Variants in PTPDC1 observed in about 807,000 individuals in gnomAD.
PTPDC1 encodes the protein protein tyrosine phosphatase domain-containing protein 1.
Under a neutral mutation model 75.3 loss-of-function variants are expected in PTPDC1, and 53 were observed. The observed-to-expected ratio is 0.70, with a 90% CI of 0.56 to 0.88. The LOEUF is 0.88. Ranked by LOEUF, PTPDC1 falls within the 40% of genes least tolerant of loss-of-function variation. The pLI is 0.00. For synonymous variants in PTPDC1, 349 were observed against 366.2 expected, an observed-to-expected ratio of 0.95 and a Z score of 0.54; for missense variants, 925 against 998.6, an observed-to-expected ratio of 0.93 and a Z score of 0.99.
intron 2 of PTPDC1, among the ~76,000 whole-genome samples, chr9:94,085,807 A>C (rs941397409): frequency 6.6e-6 from 1 of 152,340 alleles, no homozygotes; most frequent in African/African-American, 2.4e-5. Flanking sequence ...GGTAAGCTTT[A>C]GCTTTTATGT....
At chr9:94,044,826 G>A (rs192073568) in intron 1 of PTPDC1, among the ~76,000 whole-genome samples, 119 of 151,934 alleles carry the variant, frequency 7.8e-4, no homozygotes, top group African/African-American at 2.8e-3. Context: ...ATTTAAGGGG[G>A]AAACATCAAG....
At chr9:94,051,872 G>A (rs117223159) in intron 1 of PTPDC1, among the ~76,000 whole-genome samples, 2,988 of 152,070 alleles carry the variant, frequency 0.02, 50 homozygotes, top group Non-Finnish European at 0.028. Context: ...TTCTTGGTTA[G>A]TGGTCTGTCA....
chr9:94,099,615 G>A (rs1827763434), intron 6 of PTPDC1, among the ~76,000 whole-genome samples: 2 of 152,226 alleles, frequency 1.3e-5, no homozygotes, highest in South Asian at 2.1e-4. Flanking sequence ...CTATCCAATA[G>A]TTAAATGTAT....
intron 1 of PTPDC1, among the ~76,000 whole-genome samples, chr9:94,048,925 C>T (rs753344663): frequency 6.6e-6 from 1 of 152,178 alleles, no homozygotes; most frequent in African/African-American, 2.4e-5. Flanking sequence ...GTAGTTAGCT[C>T]TTCTTGTTGA....
intron 1 of PTPDC1, among the ~76,000 whole-genome samples, chr9:94,041,788 C>T (rs953844059): frequency 6.6e-6 from 1 of 152,106 alleles, no homozygotes; most frequent in African/African-American, 2.4e-5. Context: ...ATATTCCCTG[C>T]TCTAGCCCTA....
chr9:94,096,068 A>G (rs956255244), intron 5 of PTPDC1, among the ~76,000 whole-genome samples: 3 of 152,236 alleles, frequency 2.0e-5, no homozygotes, highest in Non-Finnish European at 4.4e-5. Flanking sequence ...CCAGAATTCT[A>G]TTAAAAAGTC....
intron 2 of PTPDC1, among the ~76,000 whole-genome samples, chr9:94,076,524 C>A (rs535726525): frequency 6.6e-6 from 1 of 152,240 alleles, no homozygotes; most frequent in Admixed American, 6.5e-5. Flanking sequence ...AGTGCTGCTT[C>A]CTTTTTATGG....
chr9:94,045,426 T>G (rs1825565777), intron 1 of PTPDC1, among the ~76,000 whole-genome samples: 1 of 152,172 alleles, frequency 6.6e-6, no homozygotes, highest in African/African-American at 2.4e-5. Flanking sequence ...CACACTGACT[T>G]CCACAATGGT....
chr9:94,041,203 A>G (rs1274094234), intron 1 of PTPDC1, among the ~76,000 whole-genome samples: 1 of 152,176 alleles, frequency 6.6e-6, no homozygotes, highest in Admixed American at 6.5e-5. Flanking sequence ...CTCTTTGAAA[A>G]CAGAGATACT....
chr9:94,088,392 A>C, intron 4 of PTPDC1, 129 bp downstream of exon 4: 1 of 1,090,768 alleles, frequency 9.2e-7, no homozygotes, highest in Non-Finnish European at 1.3e-6. Flanking sequence ...GTTTAGAAAA[A>C]ATGAGCTACC....
Position 94,094,818 on chromosome 9 carries a change from C to T in PTPDC1, c.617-499C>T, listed in dbSNP as rs142332465. On this transcript the variant is annotated intron_variant, in intron 4 of 8. Transcript: ENST00000620992. ...AAGCCCGTCCGAAAAGCGCAGTGTT[C>T]GGGTGGGAGTGACCCGACTTTCCAG... Among the ~76,000 whole-genome samples the T allele has an allele frequency of 8.5e-3, 1,302 of 152,350 alleles. 42 individuals carry two copies. Among genetic ancestry groups the T allele is most frequent in the Admixed American group, 0.054 (823 of 15,298 alleles).
intron 1 of PTPDC1, among the ~76,000 whole-genome samples, chr9:94,034,211 G>C (rs906795693): frequency 1.3e-5 from 2 of 152,074 alleles, no homozygotes; most frequent in African/African-American, 4.8e-5. Context: ...CTTAATTAAG[G>C]TTTTGAAATT....
chr9:94,098,277 C>A lies in PTPDC1; in HGVS notation c.1711C>A (p.Pro571Thr), dbSNP rs1194343526. The stretch of plus-strand genomic sequence containing the variant: ...TGCAAATGTCCATAAGGATCCAAAC[C>A]CTGCTCACCAGCAAGTGTCTCACTG... ...SFANVHKDPN[P>T]AHQQVSHCQC... The change falls in exon 6 of 9, where the codon CCT becomes ACT. Residue 571 changes from proline to threonine, a missense_variant. Transcript: ENST00000620992. 6.2e-7 allele frequency: 1 copy of A among 1,614,188 alleles called. No individual in the cohort carries two copies. Among genetic ancestry groups the A allele is most frequent in the African/African-American group, 1.3e-5 (1 of 75,038 alleles).
chr9:94,077,468 A>G (rs1201695884), intron 2 of PTPDC1, among the ~76,000 whole-genome samples: 2 of 152,046 alleles, frequency 1.3e-5, no homozygotes, highest in African/African-American at 4.8e-5. Context: ...GGGTTCCCAC[A>G]CCCCTCTCTT....
At chr9:94,103,457 C>T (rs1438927040) in intron 7 of PTPDC1, among the ~76,000 whole-genome samples, 7 of 152,216 alleles carry the variant, frequency 4.6e-5, no homozygotes, top group African/African-American at 1.7e-4. Context: ...AGCCCATGTG[C>T]TTTCTATTAC....
At chr9:94,066,962 C>G (rs2117882058) in intron 2 of PTPDC1, among the ~76,000 whole-genome samples, 2 of 152,236 alleles carry the variant, frequency 1.3e-5, no homozygotes, top group Admixed American at 1.3e-4. Flanking sequence ...GTATCATCCC[C>G]CATATATGCA....
At chr9:94,105,552 C>T (rs923263011) in intron 8 of PTPDC1, among the ~76,000 whole-genome samples, 1 of 151,238 alleles carries the variant, frequency 6.6e-6, no homozygotes, top group African/African-American at 2.4e-5. Context: ...CCTGCAGTCC[C>T]AGCTACTCAG....
chr9:94,103,468 A>G (rs1173082331), intron 7 of PTPDC1, among the ~76,000 whole-genome samples: 11 of 152,218 alleles, frequency 7.2e-5, no homozygotes, highest in Admixed American at 7.2e-4. Flanking sequence ...TTTCTATTAC[A>G]TAAGGCTGCC....
chr9:94,106,133 ACTT>A (rs755905741), intron 8 of PTPDC1, among the ~76,000 whole-genome samples: 4 of 152,224 alleles, frequency 2.6e-5, no homozygotes, highest in Non-Finnish European at 5.9e-5. Context: ...ATTCTTTACA[ACTT>A]CTTTTGGCCT....
Sources: gnomAD v4.1 joint callset for allele counts (sites outside exome capture counted in the v4.1 genomes callset) on GRCh38, gnomAD v4.1.1 for gene constraint, MANE v1.5 for transcripts, NCBI Gene and HGNC (gene_info 2026-07-23, HGNC 2026-07-21) for gene names.